Variants in CDH12 observed in about 807,000 individuals in gnomAD.
CDH12 encodes the protein cadherin-12.
In CDH12, 41 loss-of-function variants were observed where a neutral mutation model predicts 74.1. The observed-to-expected ratio is 0.55, with a 90% CI of 0.43 to 0.72. The LOEUF (loss-of-function observed/expected upper bound fraction) is 0.72, where lower values mean the gene tolerates loss of function less well. CDH12 is among the 30% of genes least tolerant of loss of function. The pLI is 0.00. For missense variants in CDH12, 945 were observed against 977.2 expected (o/e 0.97, Z 0.44); for synonymous variants, 399 against 355.0 (o/e 1.12, Z -1.39).
chr5:22,481,723 T>C (rs964682381), intron 2 of CDH12, among the ~76,000 whole-genome samples: 2 of 152,156 alleles, frequency 1.3e-5, no homozygotes, highest in African/African-American at 2.4e-5. Flanking sequence ...TCACTTTTAA[T>C]GAGTGTAAAG....
At chr5:21,880,587 CCTTCCTTCCTTCCTTCCTT>C (rs1188972986) in intron 6 of CDH12, among the ~76,000 whole-genome samples, 1 of 51,840 alleles carries the variant, frequency 1.9e-5, no homozygotes, top group African/African-American at 7.1e-5. Context: ...TTCCTTCCTT[CCTTCCTTCCTTCCTTCCTT>C]CCTTCCTTCC....
intron 3 of CDH12, among the ~76,000 whole-genome samples, chr5:22,278,969 T>C (rs1736758891): frequency 6.6e-6 from 1 of 152,158 alleles, no homozygotes; most frequent in Admixed American, 6.5e-5. Flanking sequence ...GAGAAATATA[T>C]CTAAATAACT....
intron 6 of CDH12, among the ~76,000 whole-genome samples, chr5:21,923,780 C>T (rs1042744718): frequency 6.6e-6 from 1 of 152,160 alleles, no homozygotes; most frequent in Non-Finnish European, 1.5e-5. Context: ...TTAACCATTA[C>T]AATGTTTTTG....
intron 8 of CDH12, among the ~76,000 whole-genome samples, chr5:21,820,854 C>T (rs1748329553): frequency 6.6e-6 from 1 of 151,892 alleles, no homozygotes; most frequent in East Asian, 1.9e-4. Context: ...TCCAGGCGTC[C>T]TACTTTTGAT....
At chr5:22,076,202 A>G (rs556995652) in intron 5 of CDH12, among the ~76,000 whole-genome samples, 2 of 152,236 alleles carry the variant, frequency 1.3e-5, no homozygotes, top group South Asian at 2.1e-4. Flanking sequence ...GTTAGATGTT[A>G]GACTTACTCC....
chr5:22,197,370 C>A (rs1199914845), intron 4 of CDH12, among the ~76,000 whole-genome samples: 2 of 152,144 alleles, frequency 1.3e-5, no homozygotes, highest in African/African-American at 4.8e-5. Context: ...ATGGTGTGAA[C>A]CCGGGAGGCG....
intron 2 of CDH12, among the ~76,000 whole-genome samples, chr5:22,436,664 T>C (rs1561403237): frequency 6.6e-6 from 1 of 152,038 alleles, no homozygotes; most frequent in Non-Finnish European, 1.5e-5. Flanking sequence ...CGCTATCAAA[T>C]TTTCAAAGAT....
intron 1 of CDH12, among the ~76,000 whole-genome samples, chr5:22,849,003 C>G (rs560468501): frequency 8.0e-5 from 12 of 150,450 alleles, no homozygotes; most frequent in Non-Finnish European, 1.3e-4. Flanking sequence ...TTTTTTTAGA[C>G]AAGTCACTTG....
At chr5:22,180,508 T>TTATTTTG (rs1285085565) in intron 4 of CDH12, among the ~76,000 whole-genome samples, 7 of 151,768 alleles carry the variant, frequency 4.6e-5, no homozygotes, top group African/African-American at 1.7e-4. Context: ...GTTTATTTTT[T>TTATTTTG]TATTTTTTAT....
intron 1 of CDH12, among the ~76,000 whole-genome samples, chr5:22,643,964 T>C (rs563276074): frequency 8.5e-4 from 129 of 152,120 alleles, no homozygotes; most frequent in African/African-American, 2.8e-3. Flanking sequence ...TTGGGGGTTG[T>C]ATGAACAGTG....
rs540945713 is a variant in CDH12 at position 22,060,878 on chromosome 5, C to T, written c.231+17568G>A. 2.0e-5 allele frequency among the ~76,000 whole-genome samples: 3 copies of T among 152,278 alleles called. No individual in the cohort carries two copies. In the South Asian group the frequency reaches 6.2e-4, roughly 32 times the overall value. ...AGAGTTGCCAGAGCTCCTCTCCTAT[C>T]ATGTAACCCACTACATGTACTGGAA... On this transcript the variant is annotated intron_variant, in intron 5 of 14. Coordinates refer to ENST00000382254, the MANE Select transcript of CDH12 (RefSeq NM_004061.5).
In CDH12 at chr5:22,576,627, T is replaced by C. The variant is rs139445922; in HGVS notation, c.-522-71263A>G. On this transcript the variant is annotated intron_variant, in intron 1 of 14. Transcript: ENST00000382254. The stretch of plus-strand genomic sequence containing the variant: ...TCGGAGGAAATTGCCGTTAAGCAAA[T>C]TCCTGAAGGCCACATAGCCAAGAAA... 4.3e-3 allele frequency among the ~76,000 whole-genome samples: 655 copies of C among 152,238 alleles called. 8 individuals carry two copies. The highest frequency in any genetic ancestry group is 0.015 in the African/African-American group (619 of 41,540).
chr5:21,952,737 G>C (rs1390203507), intron 6 of CDH12, among the ~76,000 whole-genome samples: 1 of 150,678 alleles, frequency 6.6e-6, no homozygotes, highest in Non-Finnish European at 1.5e-5. Context: ...TTTGAGTTGA[G>C]GACTAAATTC....
chr5:22,340,104 C>T (rs939852425), intron 3 of CDH12, among the ~76,000 whole-genome samples: 7 of 152,216 alleles, frequency 4.6e-5, no homozygotes, highest in East Asian at 1.9e-4. Flanking sequence ...CCATTATAAA[C>T]GAATTGGAGC....
In CDH12 at chr5:22,291,756, T is replaced by C. The variant is rs1328678920; in HGVS notation, c.-332-79113A>G. 2.0e-5 allele frequency among the ~76,000 whole-genome samples: 3 copies of C among 152,132 alleles called. No individual in the cohort carries two copies. In the East Asian group the frequency reaches 5.8e-4, roughly 29 times the overall value. Reference sequence around the variant, plus strand: ...TGTTCATGGATTGGATTAATTAATATTGTTTAAATGCCTGTACTCTCCAAA... The same window carrying C: ...TGTTCATGGATTGGATTAATTAATACTGTTTAAATGCCTGTACTCTCCAAA... On this transcript the variant is annotated intron_variant, in intron 3 of 14. Coordinates refer to ENST00000382254, the MANE Select transcript of CDH12 (RefSeq NM_004061.5).
At chr5:22,107,480 G>GTATGTATATATACACATATAATTATTA (rs138366713) in intron 4 of CDH12, among the ~76,000 whole-genome samples, 62,471 of 145,906 alleles carry the variant, frequency 0.43, 13,703 homozygotes, top group African/African-American at 0.49. Flanking sequence ...ATATACATAC[G>GTATGTATATATACACATATAATTATTA]TATGTATATA....
intron 1 of CDH12, among the ~76,000 whole-genome samples, chr5:22,585,937 C>A (rs1292303885): frequency 1.3e-5 from 2 of 152,102 alleles, no homozygotes; most frequent in Non-Finnish European, 2.9e-5. Context: ...TGTGGCGATT[C>A]CTCAGGGATC....
chr5:22,481,489 G>T (rs925954253), intron 2 of CDH12, among the ~76,000 whole-genome samples: 1 of 152,144 alleles, frequency 6.6e-6, no homozygotes, highest in Non-Finnish European at 1.5e-5. Context: ...TAGAGAAAAT[G>T]TGGCGTATTT....
intron 3 of CDH12, among the ~76,000 whole-genome samples, chr5:22,379,073 A>G (rs559315979): frequency 6.6e-6 from 1 of 152,278 alleles, no homozygotes; most frequent in Non-Finnish European, 1.5e-5. Context: ...AGAAACACAA[A>G]TAGTTGTCCC....
Sources: allele counts gnomAD v4.1 joint callset (sites outside exome capture counted in the v4.1 genomes callset), GRCh38; gene constraint gnomAD v4.1.1; transcripts MANE v1.5; gene names NCBI Gene and HGNC (gene_info 2026-07-23, HGNC 2026-07-21).